Variants in MCTP2 observed in about 807,000 individuals in gnomAD.
MCTP2 encodes multiple C2 and transmembrane domain containing 2, also known as multiple C2 and transmembrane domain-containing protein 2.
MCTP2 carries 132 observed loss-of-function variants against 111.6 expected under a neutral mutation model. The observed-to-expected ratio is 1.18, with a 90% CI of 1.03 to 1.37. The LOEUF (loss-of-function observed/expected upper bound fraction) is 1.37, where lower values mean the gene tolerates loss of function less well. Among genes scored for constraint, MCTP2 ranks in the 40% most tolerant of loss-of-function variants. The probability of loss-of-function intolerance (pLI) is 0.00; values close to 1 mark genes in which losing one functional copy is unlikely to be tolerated. For missense variants in MCTP2, 1,183 were observed against 1,067.9 expected (o/e 1.11, Z -1.50); for synonymous variants, 395 against 387.7 (o/e 1.02, Z -0.22).
chr15:94,275,788 G>A (rs1039801811), intron 1 of MCTP2, among the ~76,000 whole-genome samples: 4 of 150,074 alleles, frequency 2.7e-5, no homozygotes, highest in Admixed American at 6.6e-5. Flanking sequence ...AAAAAACATA[G>A]ATGAAAAAGA....
intron 17 of MCTP2, among the ~76,000 whole-genome samples, chr15:94,435,629 CTT>C (rs202170550): frequency 4.2e-5 from 5 of 117,920 alleles, no homozygotes; most frequent in Admixed American, 1.7e-4. Flanking sequence ...TTTTTTTATT[CTT>C]TTTTTTTTTT....
intron 17 of MCTP2, chr15:94,402,451 A>G (rs1409026317): frequency 6.4e-7 from 1 of 1,550,946 alleles, no homozygotes; most frequent in East Asian, 2.4e-5. Context: ...GCCAGTTGGG[A>G]CATACTGATC....
intron 12 of MCTP2, among the ~76,000 whole-genome samples, chr15:94,383,602 A>G (rs1330599232): frequency 6.6e-6 from 1 of 152,216 alleles, no homozygotes; most frequent in Non-Finnish European, 1.5e-5. Context: ...GCAAAAGAGA[A>G]TGAGAGCCAA....
intron 10 of MCTP2, among the ~76,000 whole-genome samples, chr15:94,365,541 T>C (rs1040060888): frequency 1.3e-5 from 2 of 152,208 alleles, no homozygotes; most frequent in African/African-American, 4.8e-5. Context: ...TTCCAATAAG[T>C]TGAGCACTTA....
At chr15:94,275,536 A>C (rs2152305087) in intron 1 of MCTP2, among the ~76,000 whole-genome samples, 1 of 126,682 alleles carries the variant, frequency 7.9e-6, no homozygotes, top group East Asian at 2.3e-4. Flanking sequence ...TCTGTTTTCC[A>C]TATCTTTACA....
chr15:94,314,585 A>T (rs1311155637), intron 3 of MCTP2: 2 of 554,790 alleles, frequency 3.6e-6, no homozygotes, highest in East Asian at 3.2e-5. Flanking sequence ...ATTGAGTGAG[A>T]TAGTAAGGCA....
chr15:94,258,464 A>G (rs570146931), intron 1 of MCTP2, among the ~76,000 whole-genome samples: 3 of 152,326 alleles, frequency 2.0e-5, no homozygotes, highest in African/African-American at 7.2e-5. Context: ...AATGTGCCAG[A>G]GTAAGTAAAA....
At chr15:94,232,359 G>C (rs761897570) in intron 1 of MCTP2, among the ~76,000 whole-genome samples, 1 of 152,236 alleles carries the variant, frequency 6.6e-6, no homozygotes, top group Non-Finnish European at 1.5e-5. Flanking sequence ...GAGGGTTTCA[G>C]CCTCCTCTAG....
chr15:94,463,397 T>G (rs536236583), intron 20 of MCTP2, among the ~76,000 whole-genome samples: 1 of 152,344 alleles, frequency 6.6e-6, no homozygotes, highest in South Asian at 2.1e-4. Flanking sequence ...CGTTTCATTT[T>G]CTACCTGTTA....
chr15:94,408,533 T>TC (rs1473619195), intron 17 of MCTP2, among the ~76,000 whole-genome samples: 1 of 152,198 alleles, frequency 6.6e-6, no homozygotes, highest in Non-Finnish European at 1.5e-5. Flanking sequence ...ATAGGAACAA[T>TC]CCATCATTGC....
chr15:94,389,941 A>G (rs1192602446), intron 14 of MCTP2, among the ~76,000 whole-genome samples: 1 of 151,620 alleles, frequency 6.6e-6, no homozygotes, highest in Non-Finnish European at 1.5e-5. Flanking sequence ...TTAAATGAAG[A>G]GCCTGTTCCA....
At chr15:94,244,819 C>G (rs1323834461) in intron 1 of MCTP2, among the ~76,000 whole-genome samples, 1 of 137,874 alleles carries the variant, frequency 7.3e-6, no homozygotes, top group Non-Finnish European at 1.5e-5. Flanking sequence ...TATATGTATA[C>G]ACATATGCAC....
rs1361712653 is a variant in MCTP2, at chr15:94,440,268, A to G, written c.2178A>G (p.Lys726=). Residue 726 remains lysine, a synonymous_variant, in exon 18 of 23, where the codon AAA becomes AAG. Transcript: ENST00000357742. ...IFVYNFIRPV[K]GKVSSIQDSQ... ...TCTACAATTTCATCAGACCTGTGAA[A>G]GGCAAGGTCAGCAGCATCCAGGACA... 1 of 1,614,174 alleles carries G rather than the reference A, an allele frequency of 6.2e-7. No individual in the cohort carries two copies. The highest frequency in any genetic ancestry group is 8.5e-7 in the Non-Finnish European group (1 of 1,180,006).
intron 17 of MCTP2, among the ~76,000 whole-genome samples, chr15:94,415,383 G>A (rs375548489): frequency 3.3e-5 from 5 of 151,968 alleles, no homozygotes; most frequent in East Asian, 1.9e-4. Flanking sequence ...GTTATTTACC[G>A]TACCGTTGTT....
intron 12 of MCTP2, among the ~76,000 whole-genome samples, chr15:94,379,741 A>G (rs1182993502): frequency 8.2e-5 from 12 of 147,212 alleles, no homozygotes; most frequent in African/African-American, 2.7e-4. Flanking sequence ...GTAATATAAT[A>G]TATGATATAT....
chr15:94,478,692 A>G (rs900688870), intron 22 of MCTP2, among the ~76,000 whole-genome samples: 1 of 152,232 alleles, frequency 6.6e-6, no homozygotes, highest in African/African-American at 2.4e-5. Flanking sequence ...TGGCACACAC[A>G]AAACGAACAT....
At chr15:94,311,341 A>T (rs913630305) in intron 2 of MCTP2, among the ~76,000 whole-genome samples, 5 of 152,122 alleles carry the variant, frequency 3.3e-5, no homozygotes, top group African/African-American at 4.8e-5. Context: ...AACATTTTTT[A>T]AAAATCTCGT....
intron 12 of MCTP2, among the ~76,000 whole-genome samples, chr15:94,380,597 G>A (rs1462235301): frequency 6.6e-6 from 1 of 151,970 alleles, no homozygotes; most frequent in East Asian, 1.9e-4. Context: ...GTGAAACCCT[G>A]TCTCCACTAA....
chr15:94,416,070 G>A (rs554976076), intron 17 of MCTP2, among the ~76,000 whole-genome samples: 9 of 152,160 alleles, frequency 5.9e-5, no homozygotes, highest in South Asian at 4.1e-4. Flanking sequence ...ATTCCACCTC[G>A]AGCATTTTCT....
Sources: allele counts gnomAD v4.1 joint callset (sites outside exome capture counted in the v4.1 genomes callset), GRCh38; gene constraint gnomAD v4.1.1; transcripts MANE v1.5; gene names NCBI Gene and HGNC (gene_info 2026-07-23, HGNC 2026-07-21).